Variants in MAGI2 observed in about 807,000 individuals in gnomAD.
MAGI2 encodes the protein membrane associated guanylate kinase, WW and PDZ domain containing 2.
Under a neutral mutation model 133.3 loss-of-function variants are expected in MAGI2, and 35 were observed. That is an observed-to-expected ratio of 0.26 (90% CI 0.20 to 0.35). The LOEUF is 0.35. Among genes scored for constraint, MAGI2 ranks in the 10% least tolerant of loss-of-function variants. The pLI, the probability that MAGI2 is intolerant of heterozygous loss-of-function variation, is 1.00. For synonymous variants in MAGI2, 729 were observed against 710.6 expected, an observed-to-expected ratio of 1.03 and a Z score of -0.41; for missense variants, 1,636 against 1,863.4, an observed-to-expected ratio of 0.88 and a Z score of 2.25.
intron 2 of MAGI2, among the ~76,000 whole-genome samples, chr7:78,857,789 C>T (rs1793789689): frequency 6.6e-6 from 1 of 152,130 alleles, no homozygotes; most frequent in African/African-American, 2.4e-5. Context: ...GGGAGGATTC[C>T]CTCTTTTCCT....
intron 9 of MAGI2, among the ~76,000 whole-genome samples, chr7:78,297,327 C>T (rs1464959178): frequency 6.6e-6 from 1 of 151,922 alleles, no homozygotes; most frequent in South Asian, 2.1e-4. Context: ...AGTCAGGAAA[C>T]AACAGGTGCT....
intron 2 of MAGI2, among the ~76,000 whole-genome samples, chr7:78,926,498 C>T (rs1366640585): frequency 3.3e-5 from 5 of 151,964 alleles, no homozygotes; most frequent in Admixed American, 3.3e-4. Flanking sequence ...CCCAGTTGCC[C>T]TATGCCATCC....
At chr7:78,070,586 A>G (rs200792006) in intron 21 of MAGI2, among the ~76,000 whole-genome samples, 5 of 68,232 alleles carry the variant, frequency 7.3e-5, no homozygotes, top group South Asian at 5.6e-4. Context: ...ATATATGTGT[A>G]TATATATGTG....
chr7:78,073,616 T>C (rs994964640), intron 21 of MAGI2, among the ~76,000 whole-genome samples: 9 of 152,238 alleles, frequency 5.9e-5, no homozygotes, highest in South Asian at 2.1e-4. Context: ...GAACTGCTTA[T>C]GTTGGGAATT....
At chr7:78,232,027 G>A (rs1010907548) in intron 10 of MAGI2, among the ~76,000 whole-genome samples, 7 of 151,288 alleles carry the variant, frequency 4.6e-5, no homozygotes, top group African/African-American at 1.7e-4. Flanking sequence ...CTTGACTCAG[G>A]AACCATTGCT....
At chr7:78,339,187 G>A (rs527375225) in intron 9 of MAGI2, among the ~76,000 whole-genome samples, 1 of 152,294 alleles carries the variant, frequency 6.6e-6, no homozygotes, top group Non-Finnish European at 1.5e-5. Flanking sequence ...CTGGTGCACT[G>A]CAATGACTAT....
intron 2 of MAGI2, among the ~76,000 whole-genome samples, chr7:78,938,033 C>G (rs1800653268): frequency 6.6e-6 from 1 of 151,232 alleles, no homozygotes; most frequent in African/African-American, 2.5e-5. Context: ...AAATTCTAGA[C>G]AGTTTAAATA....
intron 1 of MAGI2, among the ~76,000 whole-genome samples, chr7:79,437,386 A>G (rs1479228312): frequency 6.6e-6 from 1 of 152,138 alleles, no homozygotes; most frequent in Non-Finnish European, 1.5e-5. Flanking sequence ...TAAAAAATTG[A>G]AATTGTATAT....
intron 3 of MAGI2, among the ~76,000 whole-genome samples, chr7:78,567,298 T>C (rs1320751767): frequency 6.6e-6 from 1 of 152,114 alleles, no homozygotes; most frequent in Non-Finnish European, 1.5e-5. Flanking sequence ...AATTGCTCTA[T>C]TCCAAGTAAT....
intron 2 of MAGI2, among the ~76,000 whole-genome samples, chr7:78,826,351 TAA>T (rs1212068156): frequency 6.4e-4 from 46 of 71,382 alleles, no homozygotes; most frequent in African/African-American, 7.8e-4. Flanking sequence ...AGACTCCGTC[TAA>T]AAAAAAAAAA....
At chr7:78,740,668 CCAGT>C (rs1044409049) in intron 2 of MAGI2, among the ~76,000 whole-genome samples, 4 of 152,110 alleles carry the variant, frequency 2.6e-5, no homozygotes, top group Admixed American at 2.0e-4. Context: ...ATACTAGAGA[CCAGT>C]CAATTAAGTA....
chr7:79,026,647 C>T (rs1031661535), intron 1 of MAGI2, among the ~76,000 whole-genome samples: 2 of 151,910 alleles, frequency 1.3e-5, no homozygotes, highest in Admixed American at 6.6e-5. Flanking sequence ...CTGAGGCGAG[C>T]AGATTGCCTG....
At chr7:78,665,093 A>T (rs982137300) in intron 2 of MAGI2, among the ~76,000 whole-genome samples, 1 of 152,084 alleles carries the variant, frequency 6.6e-6, no homozygotes, top group South Asian at 2.1e-4. Context: ...TAATTTAAAA[A>T]TTTTCAGCTC....
intron 1 of MAGI2, among the ~76,000 whole-genome samples, chr7:79,008,159 A>C (rs1807652512): frequency 6.6e-6 from 1 of 152,178 alleles, no homozygotes; most frequent in African/African-American, 2.4e-5. Flanking sequence ...TCAATCAAAT[A>C]TACTAGGGAA....
chr7:78,813,810 A>G (rs1789304502), intron 2 of MAGI2, among the ~76,000 whole-genome samples: 1 of 151,266 alleles, frequency 6.6e-6, no homozygotes, highest in African/African-American at 2.4e-5. Context: ...AAAAACACAA[A>G]AAGCAACAAA....
chr7:78,942,021 T>C (rs939456881), intron 2 of MAGI2, among the ~76,000 whole-genome samples: 1 of 152,168 alleles, frequency 6.6e-6, no homozygotes, highest in African/African-American at 2.4e-5. Context: ...ATTGTGAAAC[T>C]AAAATTGAAT....
At chr7:78,899,255 T>C (rs1395886984) in intron 2 of MAGI2, among the ~76,000 whole-genome samples, 2 of 152,194 alleles carry the variant, frequency 1.3e-5, no homozygotes, top group African/African-American at 4.8e-5. Flanking sequence ...ACATTGCACC[T>C]GAATAGGCAT....
At chr7:78,474,489 T>C (rs991016695) in intron 6 of MAGI2, among the ~76,000 whole-genome samples, 1 of 152,006 alleles carries the variant, frequency 6.6e-6, no homozygotes, top group Admixed American at 6.6e-5. Context: ...TTAAATATAA[T>C]AGTGATTGAG....
chr7:78,031,842 T>C (rs1027263126), intron 21 of MAGI2, among the ~76,000 whole-genome samples: 1 of 152,186 alleles, frequency 6.6e-6, no homozygotes, highest in Non-Finnish European at 1.5e-5. Flanking sequence ...GCTAAATCTA[T>C]ACCTTCTGGG....
Sources: gnomAD v4.1 joint callset for allele counts (sites outside exome capture counted in the v4.1 genomes callset) on GRCh38, gnomAD v4.1.1 for gene constraint, MANE v1.5 for transcripts, NCBI Gene and HGNC (gene_info 2026-07-23, HGNC 2026-07-21) for gene names.